Variants in NELL1 observed in about 807,000 individuals in gnomAD.
The protein encoded by NELL1 is neural EGFL like 1, also known as protein kinase C-binding protein NELL1.
In NELL1, 76 loss-of-function variants were observed where a neutral mutation model predicts 107.4. The observed-to-expected ratio is 0.71, with a 90% CI of 0.59 to 0.86. NELL1 has a LOEUF of 0.86. Ranked by LOEUF, NELL1 falls within the 40% of genes least tolerant of loss-of-function variation. The probability of loss-of-function intolerance (pLI) is 0.00; values close to 1 mark genes in which losing one functional copy is unlikely to be tolerated. For missense variants in NELL1, 1,024 were observed against 1,005.5 expected, an observed-to-expected ratio of 1.02 and a Z score of -0.25; for synonymous variants, 353 against 341.2, an observed-to-expected ratio of 1.03 and a Z score of -0.38.
intron 15 of NELL1, among the ~76,000 whole-genome samples, chr11:21,478,854 T>G (rs1401355697): frequency 4.7e-5 from 6 of 128,050 alleles, no homozygotes; most frequent in Non-Finnish European, 1.0e-4. Context: ...AAAAAAAAAC[T>G]GATAATCTGA....
chr11:21,471,496 A>T (rs1346260756), intron 15 of NELL1, among the ~76,000 whole-genome samples: 1 of 152,092 alleles, frequency 6.6e-6, no homozygotes, highest in Non-Finnish European at 1.5e-5. Context: ...TAAATGATAG[A>T]GACTTTAAAT....
intron 4 of NELL1, among the ~76,000 whole-genome samples, chr11:20,854,179 T>G (rs955446021): frequency 4.8e-4 from 73 of 152,338 alleles, no homozygotes; most frequent in African/African-American, 1.7e-3. Context: ...TTTGAAAGTC[T>G]GGCTTTTTAG....
chr11:20,752,259 A>G (rs1354502835), intron 2 of NELL1, among the ~76,000 whole-genome samples: 3 of 152,186 alleles, frequency 2.0e-5, no homozygotes, highest in African/African-American at 7.2e-5. Context: ...TTTAAAAAAT[A>G]AAATCCTTGG....
chr11:21,218,040 T>C (rs778046195), intron 13 of NELL1, among the ~76,000 whole-genome samples: 2 of 152,170 alleles, frequency 1.3e-5, no homozygotes, highest in Non-Finnish European at 2.9e-5. Context: ...TTATGATCAT[T>C]ATTATTATAA....
chr11:21,103,593 A>G (rs1854875534), intron 12 of NELL1, among the ~76,000 whole-genome samples: 1 of 152,214 alleles, frequency 6.6e-6, no homozygotes, highest in African/African-American at 2.4e-5. Context: ...TGGTTAATAA[A>G]TGGTACCTAT....
At chr11:21,336,674 TACACAC>T (rs1555005791) in intron 14 of NELL1, among the ~76,000 whole-genome samples, 1 of 130,526 alleles carries the variant, frequency 7.7e-6, no homozygotes, top group Non-Finnish European at 1.6e-5. Context: ...TATATATATA[TACACAC>T]ACACACACAC....
chr11:21,182,941 G>A (rs1337060002), intron 13 of NELL1, among the ~76,000 whole-genome samples: 3 of 151,848 alleles, frequency 2.0e-5, no homozygotes, highest in Non-Finnish European at 4.4e-5. Flanking sequence ...ACAAGAAGAA[G>A]CTAAAAGGGA....
chr11:20,957,548 T>C (rs7103926), intron 11 of NELL1, among the ~76,000 whole-genome samples: 42,883 of 152,028 alleles, frequency 0.28, 7,261 homozygotes, highest in East Asian at 0.5. Flanking sequence ...ATGCATGCTA[T>C]TCAGCATAAA....
Position 20,847,711 on chromosome 11 carries a change from CAGTT to C in NELL1, c.467_470del (p.Val156AlafsTer18), listed in dbSNP as rs1564932505. ...GGACAATGGCACAAGGTTGCACTGT[CAGTT>C]AGCGCCTCTCATCTCCTGCTCCATG... On this transcript the variant is annotated frameshift_variant, in exon 4 of 20. Coordinates refer to ENST00000357134, the MANE Select transcript of NELL1 (RefSeq NM_006157.5). LOFTEE classifies it high-confidence loss of function. 3.7e-6 allele frequency: 6 copies of C among 1,613,282 alleles called. No homozygotes were observed. Among genetic ancestry groups the C allele is most frequent in the East Asian group, 2.2e-5 (1 of 44,822 alleles).
At chr11:20,930,062 C>T (rs1441282716) in intron 9 of NELL1, among the ~76,000 whole-genome samples, 2 of 151,352 alleles carry the variant, frequency 1.3e-5, no homozygotes, top group African/African-American at 2.4e-5. Flanking sequence ...CTGCATAGAT[C>T]TCTGAATGCC....
intron 3 of NELL1, among the ~76,000 whole-genome samples, chr11:20,814,651 G>C (rs572695039): frequency 6.6e-6 from 1 of 152,026 alleles, no homozygotes; most frequent in Non-Finnish European, 1.5e-5. Flanking sequence ...TTATGTCTGC[G>C]TAGTATTCCG....
At chr11:21,086,537 C>A (rs2133680738) in intron 12 of NELL1, among the ~76,000 whole-genome samples, 1 of 152,274 alleles carries the variant, frequency 6.6e-6, no homozygotes, top group Admixed American at 6.5e-5. Context: ...CCACCAGCAA[C>A]AATCACCTAT....
chr11:21,351,964 T>G (rs189070832), intron 14 of NELL1, among the ~76,000 whole-genome samples: 1 of 152,302 alleles, frequency 6.6e-6, no homozygotes, highest in Admixed American at 6.5e-5. Flanking sequence ...CTTTATGAAT[T>G]TTCTGTTACC....
intron 12 of NELL1, among the ~76,000 whole-genome samples, chr11:21,066,060 C>T (rs868071380): frequency 1.9e-4 from 29 of 152,276 alleles, no homozygotes; most frequent in African/African-American, 6.5e-4. Flanking sequence ...TAAATGAATA[C>T]GGTTCATCAG....
chr11:21,311,235 T>A lies in NELL1; in HGVS notation c.1550-59618T>A, dbSNP rs140858655. ...GTCAATTTTTGTAAACTAAATGTTATAAAATTATATTAGAACAGAAAGACA... is the reference window on the plus strand; with the variant it reads ...GTCAATTTTTGTAAACTAAATGTTAAAAAATTATATTAGAACAGAAAGACA... On this transcript the variant is annotated intron_variant, in intron 14 of 19. Transcript: ENST00000357134. Among the ~76,000 whole-genome samples, 600 of 152,276 alleles carry A rather than the reference T, an allele frequency of 3.9e-3. 3 individuals are homozygous for A. The highest frequency in any genetic ancestry group is 5.3e-3 in the Non-Finnish European group (359 of 68,010).
rs1358071401 is a variant in NELL1 at position 20,824,602 on chromosome 11, T to C, written c.336-22981T>C. Among the ~76,000 whole-genome samples, 26 of 151,282 alleles carry C rather than the reference T, an allele frequency of 1.7e-4. 2 individuals are homozygous for C. In the Admixed American group the frequency reaches 1.7e-3, roughly 10 times the overall value. Reference sequence around the variant, plus strand: ...TTTGCCCAAAATGCTGATAGTAATATGGACAATGAAGTCGAGGCTGGGATG... The same window carrying C: ...TTTGCCCAAAATGCTGATAGTAATACGGACAATGAAGTCGAGGCTGGGATG... On this transcript the variant is annotated intron_variant, in intron 3 of 19. Coordinates refer to ENST00000357134, the MANE Select transcript of NELL1 (RefSeq NM_006157.5).
At chr11:21,146,294 CA>C (rs1241255769) in intron 13 of NELL1, among the ~76,000 whole-genome samples, 2 of 151,738 alleles carry the variant, frequency 1.3e-5, no homozygotes, top group Non-Finnish European at 2.9e-5. Context: ...GGGCCACTTA[CA>C]GAGGCATAAG....
chr11:21,246,501 T>A (rs1291074357), intron 14 of NELL1, among the ~76,000 whole-genome samples: 1 of 152,184 alleles, frequency 6.6e-6, no homozygotes, highest in Non-Finnish European at 1.5e-5. Flanking sequence ...AAATGTGTCC[T>A]TAGGCGATTT....
chr11:21,493,323 G>C (rs1312153840), intron 15 of NELL1, among the ~76,000 whole-genome samples: 1 of 152,024 alleles, frequency 6.6e-6, no homozygotes, highest in Admixed American at 6.6e-5. Context: ...AGCAAAGATA[G>C]GGAATCAACC....
Sources: allele counts gnomAD v4.1 joint callset (sites outside exome capture counted in the v4.1 genomes callset), GRCh38; gene constraint gnomAD v4.1.1; transcripts MANE v1.5; gene names NCBI Gene and HGNC (gene_info 2026-07-23, HGNC 2026-07-21).